The following NTM variants were observed in gnomAD, a reference collection of about 807,000 sequenced individuals.
The protein encoded by NTM is neurotrimin.
Under a neutral mutation model 42.1 loss-of-function variants are expected in NTM, and 13 were observed. The observed-to-expected ratio is 0.31, with a 90% CI of 0.20 to 0.49. NTM has a LOEUF of 0.49. Ranked by LOEUF, NTM falls within the 20% of genes least tolerant of loss-of-function variation. NTM has a pLI of 0.99. For synonymous variants in NTM, 187 were observed against 179.2 expected (o/e 1.04, Z -0.35); for missense variants, 373 against 452.8 (o/e 0.82, Z 1.60).
chr11:132,299,704 C>T (rs1306708846), intron 4 of NTM, among the ~76,000 whole-genome samples: 1 of 152,150 alleles, frequency 6.6e-6, no homozygotes, highest in Admixed American at 6.5e-5. Flanking sequence ...GAGTTGGGCT[C>T]TATGTTTGTT....
chr11:131,440,671 A>G (rs941165197), intron 1 of NTM, among the ~76,000 whole-genome samples: 13 of 151,320 alleles, frequency 8.6e-5, no homozygotes, highest in Admixed American at 6.6e-5. Context: ...GAAAACCACT[A>G]CTCTAGAGAA....
At chr11:131,975,190 CT>C (rs143357935) in intron 2 of NTM, among the ~76,000 whole-genome samples, 6,109 of 151,170 alleles carry the variant, frequency 0.04, 427 homozygotes, top group African/African-American at 0.14. Context: ...ATCTTGCCTT[CT>C]TTTTTTTTGA....
At chr11:132,113,774 C>T (rs952305730) in intron 2 of NTM, among the ~76,000 whole-genome samples, 4 of 152,264 alleles carry the variant, frequency 2.6e-5, no homozygotes, top group Admixed American at 2.0e-4. Flanking sequence ...AGTTGTGCTT[C>T]GAAGGACTCC....
At chr11:131,978,383 G>T (rs550531258) in intron 2 of NTM, among the ~76,000 whole-genome samples, 1 of 152,170 alleles carries the variant, frequency 6.6e-6, no homozygotes, top group Admixed American at 6.5e-5. Context: ...ACCTAGTCTG[G>T]TGGATTTCAA....
At chr11:131,884,807 G>A (rs1022283906) in intron 1 of NTM, among the ~76,000 whole-genome samples, 15 of 152,282 alleles carry the variant, frequency 9.9e-5, no homozygotes, top group South Asian at 6.2e-4. Flanking sequence ...ACTTCTGTAC[G>A]GGGAAAGAAG....
At chr11:131,571,104 T>A (rs998459837) in intron 1 of NTM, among the ~76,000 whole-genome samples, 8 of 152,350 alleles carry the variant, frequency 5.3e-5, no homozygotes, top group African/African-American at 1.9e-4. Flanking sequence ...CCTCAAATTA[T>A]TGATTTGAAA....
intron 2 of NTM, among the ~76,000 whole-genome samples, chr11:131,925,814 G>A (rs1166065503): frequency 6.6e-6 from 1 of 152,190 alleles, no homozygotes; most frequent in Admixed American, 6.5e-5. Context: ...GACGTACAAG[G>A]AATGGAGGCA....
At chr11:131,999,625 G>C (rs1380709664) in intron 2 of NTM, among the ~76,000 whole-genome samples, 2 of 152,184 alleles carry the variant, frequency 1.3e-5, no homozygotes, top group Admixed American at 1.3e-4. Flanking sequence ...CAAATTTCCT[G>C]CATAAGTTAG....
intron 1 of NTM, among the ~76,000 whole-genome samples, chr11:131,721,039 T>A (rs779011877): frequency 2.6e-5 from 4 of 151,940 alleles, no homozygotes; most frequent in Non-Finnish European, 5.9e-5. Context: ...TACTTTCCTA[T>A]GAAAAACTAT....
At chr11:132,141,822 T>C (rs1236173797) in intron 2 of NTM, among the ~76,000 whole-genome samples, 2 of 152,174 alleles carry the variant, frequency 1.3e-5, no homozygotes, top group Non-Finnish European at 2.9e-5. Context: ...TCTTCCAGGA[T>C]GCTGAGTATG....
intron 1 of NTM, among the ~76,000 whole-genome samples, chr11:131,459,897 A>C (rs980090987): frequency 1.3e-5 from 2 of 152,212 alleles, no homozygotes; most frequent in Non-Finnish European, 2.9e-5. Flanking sequence ...TGGATTTCAA[A>C]GGATGTTGAC....
intron 2 of NTM, among the ~76,000 whole-genome samples, chr11:132,136,626 G>T (rs149042755): frequency 2.6e-5 from 4 of 152,192 alleles, no homozygotes; most frequent in African/African-American, 7.2e-5. Context: ...TGCCCAGTTC[G>T]CACACATGGG....
chr11:132,336,604 G>GTTTA lies in NTM; in HGVS notation c.*1462_*1465dup, dbSNP rs1565516148. On this transcript the variant is annotated 3_prime_UTR_variant, in exon 9 of 9. Coordinates refer to ENST00000683400, the MANE Select transcript of NTM (RefSeq NM_001352005.2). ...ACCACTGGAGAGTTTAATCCTCTTG[G>GTTTA]TTTATTTTATTTCCCACCTTTGTGT... 6.6e-6 allele frequency: 1 copy of GTTTA among 152,454 alleles called. No individual in the cohort carries two copies. The highest frequency in any genetic ancestry group is 1.5e-5 in the Non-Finnish European group (1 of 68,028). 9.4% of individuals were successfully genotyped at this position (152,454 alleles called of 1,614,324 possible).
chr11:132,320,120 C>T (rs1592001416), intron 7 of NTM, among the ~76,000 whole-genome samples: 1 of 152,340 alleles, frequency 6.6e-6, no homozygotes, highest in South Asian at 2.1e-4. Flanking sequence ...ATCAGTACAT[C>T]ACCATCATCA....
intron 2 of NTM, among the ~76,000 whole-genome samples, chr11:131,941,443 A>G (rs541222102): frequency 7.9e-5 from 12 of 152,284 alleles, no homozygotes; most frequent in African/African-American, 2.4e-4. Context: ...GACCTTGGGC[A>G]AGTTACTTAA....
intron 1 of NTM, among the ~76,000 whole-genome samples, chr11:131,763,384 C>T (rs1187689057): frequency 2.6e-5 from 4 of 152,176 alleles, no homozygotes; most frequent in Non-Finnish European, 5.9e-5. Context: ...ACCCCACGTG[C>T]ACCCACTAGT....
intron 1 of NTM, chr11:131,795,860 C>T: frequency 2.0e-6 from 2 of 984,702 alleles, no homozygotes; most frequent in Non-Finnish European, 2.4e-6. Context: ...ACAGGGTGCT[C>T]CTGAACCATA....
At chr11:132,107,412 A>G (rs577455627) in intron 2 of NTM, among the ~76,000 whole-genome samples, 55 of 118,372 alleles carry the variant, frequency 4.6e-4, no homozygotes, top group Admixed American at 2.4e-3. Context: ...GTACAGTGGT[A>G]TGGTCAGAAC....
chr11:131,852,301 C>T (rs1024545008), intron 1 of NTM, among the ~76,000 whole-genome samples: 2 of 152,204 alleles, frequency 1.3e-5, no homozygotes, highest in African/African-American at 4.8e-5. Context: ...TCACCTTAAT[C>T]TCCTGCCTGC....
Sources: gnomAD v4.1 joint callset for allele counts (sites outside exome capture counted in the v4.1 genomes callset) on GRCh38, gnomAD v4.1.1 for gene constraint, MANE v1.5 for transcripts, NCBI Gene and HGNC (gene_info 2026-07-23, HGNC 2026-07-21) for gene names.